RBM47: variants seen among roughly 807,000 people sequenced by gnomAD.
RBM47 encodes the protein RNA-binding protein 47.
Under a neutral mutation model 47.1 loss-of-function variants are expected in RBM47, and 21 were observed. That is an observed-to-expected ratio of 0.45 (90% CI 0.32 to 0.64). RBM47 has a LOEUF of 0.64. RBM47 is among the 30% of genes least tolerant of loss of function. The pLI, the probability that RBM47 is intolerant of heterozygous loss-of-function variation, is 0.05. For synonymous variants in RBM47, 375 were observed against 361.7 expected (o/e 1.04, Z -0.42); for missense variants, 708 against 870.9 (o/e 0.81, Z 2.35).
At chr4:40,609,078 C>T (rs1236975968) in intron 1 of RBM47, among the ~76,000 whole-genome samples, 1 of 152,062 alleles carries the variant, frequency 6.6e-6, no homozygotes, top group East Asian at 1.9e-4. Context: ...ACTGCAGCTC[C>T]GCCTACCGGG....
intron 1 of RBM47, among the ~76,000 whole-genome samples, chr4:40,590,991 C>T (rs563052914): frequency 5.3e-5 from 8 of 152,102 alleles, no homozygotes; most frequent in Non-Finnish European, 1.0e-4. Flanking sequence ...TTAGTAGAGT[C>T]GGGGTTTCCC....
intron 2 of RBM47, among the ~76,000 whole-genome samples, chr4:40,530,176 T>C (rs1727251493): frequency 6.6e-6 from 1 of 151,986 alleles, no homozygotes; most frequent in South Asian, 2.1e-4. Flanking sequence ...CCTCAGGTGA[T>C]CCGCCCACCT....
chr4:40,466,098 T>C (rs1032279865), intron 3 of RBM47, among the ~76,000 whole-genome samples: 56 of 151,846 alleles, frequency 3.7e-4, no homozygotes, highest in African/African-American at 1.3e-3. Context: ...TAAAACCTTG[T>C]CTCTAATAAA....
intron 2 of RBM47, among the ~76,000 whole-genome samples, chr4:40,516,764 C>T (rs1203292405): frequency 6.6e-6 from 1 of 152,174 alleles, no homozygotes; most frequent in Non-Finnish European, 1.5e-5. Flanking sequence ...AGCCACTGAC[C>T]TCCAAAAGCA....
At chr4:40,451,429 C>G (rs896771692) in intron 3 of RBM47, among the ~76,000 whole-genome samples, 40 of 152,094 alleles carry the variant, frequency 2.6e-4, no homozygotes, top group African/African-American at 8.9e-4. Flanking sequence ...ACATCACTGC[C>G]GAAATCAGTC....
chr4:40,507,809 T>G lies in RBM47; in HGVS notation c.-155+36613A>C, dbSNP rs547780216. 5.3e-5 allele frequency among the ~76,000 whole-genome samples: 8 copies of G among 151,798 alleles called. No homozygotes were observed. The South Asian group carries it at 1.5e-3, about 28-fold the overall frequency. Reference sequence around the variant, plus strand: ...TCAAAAAAAAAGTCCAGAGCAAGTCTTATTTTTAAAACAAAACAAATTTGA... The same window carrying G: ...TCAAAAAAAAAGTCCAGAGCAAGTCGTATTTTTAAAACAAAACAAATTTGA... On this transcript the variant is annotated intron_variant, in intron 2 of 6. Coordinates refer to ENST00000295971, the MANE Select transcript of RBM47 (RefSeq NM_001098634.2).
chr4:40,586,826 C>T (rs1400194804), intron 1 of RBM47, among the ~76,000 whole-genome samples: 1 of 151,932 alleles, frequency 6.6e-6, no homozygotes, highest in Non-Finnish European at 1.5e-5. Context: ...ACAGTGCACA[C>T]AGTCACAGTG....
chr4:40,456,235 A>G (rs2653282), intron 3 of RBM47, among the ~76,000 whole-genome samples: 1,590 of 152,344 alleles, frequency 0.01, 41 homozygotes, highest in African/African-American at 0.036. Context: ...ATACCATGTT[A>G]AAATTAAAAT....
intron 2 of RBM47, among the ~76,000 whole-genome samples, chr4:40,492,744 G>T (rs115701939): frequency 6.6e-6 from 1 of 151,596 alleles, no homozygotes. Flanking sequence ...TGCTTCCCTG[G>T]TCCCTGTTCA....
intron 2 of RBM47, among the ~76,000 whole-genome samples, chr4:40,526,885 T>A (rs1726774473): frequency 6.7e-6 from 1 of 149,230 alleles, no homozygotes; most frequent in African/African-American, 2.5e-5. Flanking sequence ...AGACCACAGT[T>A]TACTGATGCC....
At chr4:40,504,558 G>T (rs1723837999) in intron 2 of RBM47, among the ~76,000 whole-genome samples, 1 of 152,078 alleles carries the variant, frequency 6.6e-6, no homozygotes, top group South Asian at 2.1e-4. Context: ...CCTCCAAAGT[G>T]CCGGGATTAC....
chr4:40,425,754 T>A lies in RBM47; in HGVS notation c.*150A>T. Reference sequence around the variant, plus strand: ...ATAGTCTTAAAAAACTAGTGAAAACTTCATGTATATAAAATAATTCAGAAA... The same window carrying A: ...ATAGTCTTAAAAAACTAGTGAAAACATCATGTATATAAAATAATTCAGAAA... On this transcript the variant is annotated 3_prime_UTR_variant, in exon 7 of 7. Transcript: ENST00000295971. 1 of 1,191,300 alleles carries A rather than the reference T, an allele frequency of 8.4e-7. No individual in the cohort carries two copies. Among genetic ancestry groups the A allele is most frequent in the Non-Finnish European group, 1.2e-6 (1 of 866,676 alleles). 73.8% of individuals were successfully genotyped at this position (1,191,300 alleles called of 1,614,324 possible). A position where few individuals can be genotyped will look rare whatever the true frequency, so the allele number is the denominator to read the frequency against.
At chr4:40,576,099 C>T (rs1021516073) in intron 1 of RBM47, among the ~76,000 whole-genome samples, 1 of 152,214 alleles carries the variant, frequency 6.6e-6, no homozygotes, top group Non-Finnish European at 1.5e-5. Context: ...TGCTAAGAGG[C>T]ATCTTTCCTC....
chr4:40,610,442 C>T (rs747732791), intron 1 of RBM47, among the ~76,000 whole-genome samples: 1 of 151,744 alleles, frequency 6.6e-6, no homozygotes, highest in Non-Finnish European at 1.5e-5. Context: ...AACTCCGTCT[C>T]TACTAAAAAT....
intron 2 of RBM47, among the ~76,000 whole-genome samples, chr4:40,485,070 CAT>C (rs1321110506): frequency 1.3e-5 from 2 of 151,770 alleles, no homozygotes; most frequent in African/African-American, 2.4e-5. Flanking sequence ...GCACAGTTGT[CAT>C]ATGTTTGCAT....
intron 3 of RBM47, among the ~76,000 whole-genome samples, chr4:40,462,563 C>T (rs1486741112): frequency 6.6e-6 from 1 of 152,148 alleles, no homozygotes; most frequent in Non-Finnish European, 1.5e-5. Flanking sequence ...ACTGCCGCCT[C>T]ACTGCTGTAT....
chr4:40,471,755 C>T (rs1025046549), intron 2 of RBM47, among the ~76,000 whole-genome samples: 2 of 151,970 alleles, frequency 1.3e-5, no homozygotes, highest in Admixed American at 6.6e-5. Flanking sequence ...ACTCTCCTCC[C>T]ATTGCCCTTA....
chr4:40,603,994 C>T (rs1260008869), intron 1 of RBM47, among the ~76,000 whole-genome samples: 1 of 152,218 alleles, frequency 6.6e-6, no homozygotes, highest in African/African-American at 2.4e-5. Flanking sequence ...ACCAACCACA[C>T]CCAGCATAGT....
At chr4:40,597,849 G>A (rs1392872853) in intron 1 of RBM47, among the ~76,000 whole-genome samples, 1 of 152,190 alleles carries the variant, frequency 6.6e-6, no homozygotes, top group Non-Finnish European at 1.5e-5. Flanking sequence ...AAATTTTCCT[G>A]AGCATCTAGC....
Sources: allele counts gnomAD v4.1 joint callset (sites outside exome capture counted in the v4.1 genomes callset), GRCh38; gene constraint gnomAD v4.1.1; transcripts MANE v1.5; gene names NCBI Gene and HGNC (gene_info 2026-07-23, HGNC 2026-07-21).